The following PTPRD variants were observed in gnomAD, a reference collection of about 807,000 sequenced individuals.
PTPRD encodes the protein receptor-type tyrosine-protein phosphatase delta.
PTPRD carries 34 observed loss-of-function variants against 214.5 expected under a neutral mutation model. The ratio of observed to expected loss-of-function variants is 0.16; its 90% CI spans 0.12 to 0.21. PTPRD has a LOEUF of 0.21. Ranked by LOEUF, PTPRD falls within the 10% of genes least tolerant of loss-of-function variation. The pLI is 1.00. For missense variants in PTPRD, 2,545 were observed against 2,398.7 expected (o/e 1.06, Z -1.27); for synonymous variants, 1,128 against 845.7 (o/e 1.33, Z -5.79).
chr9:8,507,626 C>G (rs2097568522), intron 21 of PTPRD, among the ~76,000 whole-genome samples, 192 bp from the exon 22 acceptor site: 1 of 151,244 alleles, frequency 6.6e-6, no homozygotes, highest in African/African-American at 2.4e-5. Flanking sequence ...AAATCCTGCT[C>G]TGGAGTAGTA....
intron 5 of PTPRD, among the ~76,000 whole-genome samples, chr9:9,840,263 C>A (rs2057961486): frequency 6.6e-6 from 1 of 152,050 alleles, no homozygotes; most frequent in Non-Finnish European, 1.5e-5. Context: ...GATCCTCCCA[C>A]CTCCTAAAGT....
At chr9:8,702,646 CTA>C (rs1347589444) in intron 12 of PTPRD, among the ~76,000 whole-genome samples, 2 of 152,184 alleles carry the variant, frequency 1.3e-5, no homozygotes, top group African/African-American at 4.8e-5. Flanking sequence ...CAGAGTCTTG[CTA>C]TGTCGCCCCA....
At chr9:8,462,078 C>CAGATACTCTATGAA (rs1422484178) in intron 32 of PTPRD, among the ~76,000 whole-genome samples, 1 of 151,996 alleles carries the variant, frequency 6.6e-6, no homozygotes, top group African/African-American at 2.4e-5. Context: ...TTCCTAAACT[C>CAGATACTCTATGAA]AGATACTCTA....
At chr9:9,027,248 T>G (rs1384111399) in intron 10 of PTPRD, among the ~76,000 whole-genome samples, 1 of 151,872 alleles carries the variant, frequency 6.6e-6, no homozygotes, top group Non-Finnish European at 1.5e-5. Flanking sequence ...CAAGGCTCTC[T>G]GCCTGCATTT....
intron 2 of PTPRD, among the ~76,000 whole-genome samples, chr9:10,491,705 G>C (rs833409): frequency 0.28 from 42,927 of 151,632 alleles, 7,136 homozygotes; most frequent in African/African-American, 0.45. Context: ...ACAATTTTCA[G>C]GGTTTCTTTC....
chr9:10,432,886 G>A (rs1015129495), intron 2 of PTPRD, among the ~76,000 whole-genome samples: 2 of 151,844 alleles, frequency 1.3e-5, no homozygotes, highest in South Asian at 2.1e-4. Flanking sequence ...TGCTCATAGT[G>A]TCCAGTGTTC....
At chr9:10,198,217 G>C (rs927139348) in intron 3 of PTPRD, among the ~76,000 whole-genome samples, 2 of 151,986 alleles carry the variant, frequency 1.3e-5, no homozygotes, top group African/African-American at 2.4e-5. Context: ...GCTATAAGAA[G>C]AACTAACAAC....
At chr9:9,789,723 G>A (rs1315404109) in intron 5 of PTPRD, among the ~76,000 whole-genome samples, 2 of 136,832 alleles carry the variant, frequency 1.5e-5, no homozygotes, top group Admixed American at 8.0e-5. Context: ...CGTGAACCTG[G>A]GAGGCAGAGC....
At chr9:9,854,220 C>T (rs1213936190) in intron 5 of PTPRD, among the ~76,000 whole-genome samples, 1 of 152,098 alleles carries the variant, frequency 6.6e-6, no homozygotes, top group Non-Finnish European at 1.5e-5. Context: ...TTTTAAGGTA[C>T]TATGCAGCTT....
intron 12 of PTPRD, among the ~76,000 whole-genome samples, chr9:8,732,748 C>T (rs2098673746): frequency 6.6e-6 from 1 of 152,128 alleles, no homozygotes; most frequent in African/African-American, 2.4e-5. Context: ...CTCCTATTTC[C>T]ATGAAGCAAT....
At chr9:9,292,590 G>T (rs1951543886) in intron 9 of PTPRD, among the ~76,000 whole-genome samples, 1 of 151,222 alleles carries the variant, frequency 6.6e-6, no homozygotes, top group Non-Finnish European at 1.5e-5. Flanking sequence ...CTCAATTAAT[G>T]AACCAATATT....
At chr9:10,252,615 C>A (rs892099883) in intron 3 of PTPRD, among the ~76,000 whole-genome samples, 25 of 151,688 alleles carry the variant, frequency 1.6e-4, no homozygotes, top group African/African-American at 5.8e-4. Flanking sequence ...AATGAGTGAT[C>A]AGTATTGTTT....
chr9:10,208,155 A>G (rs1393259808), intron 3 of PTPRD, among the ~76,000 whole-genome samples: 1 of 152,220 alleles, frequency 6.6e-6, no homozygotes, highest in African/African-American at 2.4e-5. Context: ...TCTGGGAAAC[A>G]CTTGTGTTAC....
In PTPRD at chr9:9,926,209, C is replaced by G. The variant is rs560056172; in HGVS notation, c.-368+12298G>C. Reference sequence around the variant, plus strand: ...TACCTAATATTTTCCTAAGTCAAGCCCTTGAAAACTCAGTATGAGCAAAAG... The same window carrying G: ...TACCTAATATTTTCCTAAGTCAAGCGCTTGAAAACTCAGTATGAGCAAAAG... On this transcript the variant is annotated intron_variant, in intron 5 of 45. Transcript: ENST00000381196. Among the ~76,000 whole-genome samples, 227 of 152,072 alleles carry G rather than the reference C, an allele frequency of 1.5e-3. 2 individuals carry two copies. Among genetic ancestry groups the G allele is most frequent in the Non-Finnish European group, 2.1e-3 (145 of 67,992 alleles).
chr9:8,691,512 C>A (rs533184266), intron 12 of PTPRD, among the ~76,000 whole-genome samples: 1 of 152,104 alleles, frequency 6.6e-6, no homozygotes, highest in Non-Finnish European at 1.5e-5. Context: ...ACAAACCTCT[C>A]CTGGTTGGTC....
intron 5 of PTPRD, among the ~76,000 whole-genome samples, chr9:9,819,191 T>G (rs575342171): frequency 6.6e-6 from 1 of 152,180 alleles, no homozygotes; most frequent in Non-Finnish European, 1.5e-5. Context: ...CTGCCCCTCA[T>G]AACTTCTCTC....
chr9:10,304,156 C>T (rs1565163514), intron 3 of PTPRD, among the ~76,000 whole-genome samples: 1 of 152,034 alleles, frequency 6.6e-6, no homozygotes, highest in African/African-American at 2.4e-5. Flanking sequence ...GAACCAATGA[C>T]AAAAAACACA....
At chr9:8,592,551 G>T (rs1466426384) in intron 14 of PTPRD, among the ~76,000 whole-genome samples, 3 of 152,010 alleles carry the variant, frequency 2.0e-5, no homozygotes, top group Admixed American at 1.3e-4. Context: ...GACACCAAAG[G>T]CATTCACACT....
At chr9:9,224,520 C>G (rs2099958170) in intron 9 of PTPRD, among the ~76,000 whole-genome samples, 1 of 151,858 alleles carries the variant, frequency 6.6e-6, no homozygotes, top group Non-Finnish European at 1.5e-5. Flanking sequence ...AATAAAATAT[C>G]TCTGCTCTAG....
Sources: allele counts gnomAD v4.1 joint callset (sites outside exome capture counted in the v4.1 genomes callset), GRCh38; gene constraint gnomAD v4.1.1; transcripts MANE v1.5; gene names NCBI Gene and HGNC (gene_info 2026-07-23, HGNC 2026-07-21).